MYO3B: variants seen among roughly 807,000 people sequenced by gnomAD.
The protein encoded by MYO3B is myosin IIIB, also known as myosin-IIIb.
MYO3B carries 156 observed loss-of-function variants against 174.6 expected under a neutral mutation model. The ratio of observed to expected loss-of-function variants is 0.89; its 90% CI spans 0.78 to 1.02. The LOEUF is 1.02. Ranked by LOEUF, MYO3B falls within the 50% of genes least tolerant of loss-of-function variation. The probability of loss-of-function intolerance (pLI) is 0.00; values close to 1 mark genes in which losing one functional copy is unlikely to be tolerated. For missense variants in MYO3B, 1,632 were observed against 1,639.4 expected, an observed-to-expected ratio of 1.00 and a Z score of 0.08; for synonymous variants, 563 against 569.1, an observed-to-expected ratio of 0.99 and a Z score of 0.15.
intron 32 of MYO3B, among the ~76,000 whole-genome samples, chr2:170,561,189 A>C (rs1177435454): frequency 1.3e-5 from 2 of 152,206 alleles, no homozygotes; most frequent in African/African-American, 2.4e-5. Context: ...ACTGGGAAAC[A>C]GTCCATTATG....
In MYO3B at chr2:170,653,198, G is replaced by A. The variant is rs901314945; in HGVS notation, c.*77G>A. ...CGACTGTCTGTCATTGCGTAAGAAA[G>A]CACTGATATGGGGTCAGCTTCTTTG... On this transcript the variant is annotated 3_prime_UTR_variant, in exon 35 of 35. Transcript: ENST00000408978. 1.9e-5 allele frequency: 29 copies of A among 1,563,284 alleles called. No individual in the cohort carries two copies. Among genetic ancestry groups the A allele is most frequent in the South Asian group, 1.8e-4 (16 of 88,564 alleles).
At chr2:170,324,470 A>G (rs2093850596) in intron 7 of MYO3B, among the ~76,000 whole-genome samples, 1 of 152,188 alleles carries the variant, frequency 6.6e-6, no homozygotes, top group Non-Finnish European at 1.5e-5. Flanking sequence ...TATCTCTCAA[A>G]TATATGCAAG....
intron 22 of MYO3B, among the ~76,000 whole-genome samples, chr2:170,413,367 G>A (rs1316053720): frequency 6.6e-6 from 1 of 152,174 alleles, no homozygotes; most frequent in Non-Finnish European, 1.5e-5. Context: ...AAATGAATAG[G>A]ACAAGGAGGA....
intron 32 of MYO3B, among the ~76,000 whole-genome samples, chr2:170,573,916 C>T (rs1466489064): frequency 6.6e-6 from 1 of 152,098 alleles, no homozygotes; most frequent in African/African-American, 2.4e-5. Flanking sequence ...AAATTGTGTT[C>T]AGTGACTGCC....
chr2:170,614,516 C>T (rs530912893), intron 32 of MYO3B, among the ~76,000 whole-genome samples: 7 of 152,256 alleles, frequency 4.6e-5, no homozygotes, highest in Admixed American at 3.3e-4. Flanking sequence ...AAATAAGTTG[C>T]TCTTCCTTCT....
At chr2:170,374,537 G>A (rs1043429524) in intron 9 of MYO3B, among the ~76,000 whole-genome samples, 1 of 152,144 alleles carries the variant, frequency 6.6e-6, no homozygotes, top group African/African-American at 2.4e-5. Context: ...ATCCATCTCA[G>A]TTATGGCACA....
At chr2:170,178,407 C>A in intron 1 of MYO3B, 118 bp downstream of exon 1, 1 of 1,298,800 alleles carries the variant, frequency 7.7e-7, no homozygotes, top group Non-Finnish European at 1.1e-6. Context: ...GACAGCCACT[C>A]TGGCTTTGGG....
At chr2:170,264,063 A>G (rs2093365100) in intron 7 of MYO3B, among the ~76,000 whole-genome samples, 1 of 152,208 alleles carries the variant, frequency 6.6e-6, no homozygotes, top group African/African-American at 2.4e-5. Flanking sequence ...CACTTGTTTA[A>G]CAAAGCACAT....
rs751331414 is a variant in MYO3B, at chr2:170,401,655, G to A, written c.2093G>A (p.Arg698His). 9 of 1,614,000 alleles carry A rather than the reference G, an allele frequency of 5.6e-6. No homozygotes were observed. Among genetic ancestry groups the A allele is most frequent in the East Asian group, 2.2e-5 (1 of 44,864 alleles). Residue 698 changes from arginine to histidine, a missense_variant, in exon 18 of 35, where the codon CGC becomes CAC. By Grantham distance (29) the Arg-to-His change is conservative. Transcript: ENST00000408978. ...AGGCTCTTCAGCTGGATTGTGAATCGCATTAATACACTCCTGCAGCCAGAC... is the reference window on the plus strand; with the variant it reads ...AGGCTCTTCAGCTGGATTGTGAATCACATTAATACACTCCTGCAGCCAGAC... ...YGRLFSWIVNRINTLLQPDEN... is the reference protein window; with the variant it reads ...YGRLFSWIVNHINTLLQPDEN...
chr2:170,620,615 T>G (rs1175153081), intron 32 of MYO3B, among the ~76,000 whole-genome samples: 1 of 152,226 alleles, frequency 6.6e-6, no homozygotes, highest in African/African-American at 2.4e-5. Flanking sequence ...GTAGGCAGCA[T>G]GAGCTTCATG....
intron 25 of MYO3B, among the ~76,000 whole-genome samples, chr2:170,476,387 A>G (rs913580742): frequency 1.1e-4 from 17 of 152,168 alleles, no homozygotes; most frequent in African/African-American, 4.1e-4. Flanking sequence ...CTGTATCCCA[A>G]GCTCTTGTCT....
Position 170,402,846 on chromosome 2 carries a change from A to G in MYO3B, c.2130-2A>G. ...AGAGTTTTGTTCTTCTCTCTCATGC[A>G]GTAGTGCAGGAGGTGGAATGAATGT... On this transcript the variant is annotated splice_acceptor_variant and NMD_transcript_variant, in intron 18 of 34. Transcript: ENST00000317935. 2 of 1,603,080 alleles carry G rather than the reference A, an allele frequency of 1.2e-6. No homozygotes were observed. Among genetic ancestry groups the G allele is most frequent in the Non-Finnish European group, 1.7e-6 (2 of 1,172,024 alleles).
At chr2:170,310,296 G>A (rs1466480900) in intron 7 of MYO3B, among the ~76,000 whole-genome samples, 2 of 152,146 alleles carry the variant, frequency 1.3e-5, no homozygotes, top group Non-Finnish European at 2.9e-5. Context: ...GAGAATCTGT[G>A]CTCAAGGTGA....
intron 23 of MYO3B, among the ~76,000 whole-genome samples, chr2:170,445,195 T>A (rs2094831479): frequency 6.6e-6 from 1 of 152,208 alleles, no homozygotes; most frequent in Non-Finnish European, 1.5e-5. Flanking sequence ...TATAAAACAG[T>A]ATGTCAATTG....
At chr2:170,376,605 A>C (rs1167901723) in intron 9 of MYO3B, among the ~76,000 whole-genome samples, 1 of 144,930 alleles carries the variant, frequency 6.9e-6, no homozygotes, top group Non-Finnish European at 1.5e-5. Context: ...CCCTCTCTCT[A>C]TTTTTTTTTT....
At chr2:170,643,308 CAG>C (rs989280844) in intron 32 of MYO3B, among the ~76,000 whole-genome samples, 11 of 152,278 alleles carry the variant, frequency 7.2e-5, no homozygotes, top group African/African-American at 2.6e-4. Context: ...GGGGAAGAGA[CAG>C]AGAGCCAGAA....
intron 30 of MYO3B, among the ~76,000 whole-genome samples, chr2:170,529,329 C>T (rs928707478): frequency 6.6e-6 from 1 of 151,734 alleles, no homozygotes. Context: ...TATAACAAAC[C>T]GGAGCATGTA....
At chr2:170,304,468 CT>C (rs34449441) in intron 7 of MYO3B, among the ~76,000 whole-genome samples, 121 of 131,768 alleles carry the variant, frequency 9.2e-4, no homozygotes, top group Admixed American at 1.3e-3. Flanking sequence ...TTTTCTTTTT[CT>C]TTTTTTTTTT....
intron 25 of MYO3B, among the ~76,000 whole-genome samples, chr2:170,485,077 A>G (rs1366807719): frequency 6.6e-6 from 1 of 152,018 alleles, no homozygotes; most frequent in Non-Finnish European, 1.5e-5. Flanking sequence ...AAATGGGAAA[A>G]GCGTTTATTT....
Sources: allele counts gnomAD v4.1 joint callset (sites outside exome capture counted in the v4.1 genomes callset), GRCh38; gene constraint gnomAD v4.1.1; transcripts MANE v1.5; gene names NCBI Gene and HGNC (gene_info 2026-07-23, HGNC 2026-07-21).